MAMSTR: variants seen among roughly 807,000 people sequenced by gnomAD.
MAMSTR encodes the protein MEF2 activating motif and SAP domain containing transcriptional regulator, also known as MEF2-activating motif and SAP domain-containing transcriptional regulator.
A neutral mutation model predicts 42.7 loss-of-function variants in MAMSTR; 41 were observed. The observed-to-expected ratio is 0.96, with a 90% confidence interval of 0.75 to 1.25. MAMSTR has a LOEUF of 1.25. Among genes scored for constraint, MAMSTR ranks in the 50% most tolerant of loss-of-function variants. The pLI, the probability that MAMSTR is intolerant of heterozygous loss-of-function variation, is 0.00. For missense variants in MAMSTR, 567 were observed against 557.6 expected (o/e 1.02, Z -0.17); for synonymous variants, 265 against 244.1 (o/e 1.09, Z -0.80).
Position 48,713,246 on chromosome 19 carries a change from C to G in MAMSTR, c.*21G>C. ...CTCTCCACCCCCATCAGTTCTCTGT[C>G]TCTGTAAATCCTAGAATCCATCACC... On this transcript the variant is annotated 3_prime_UTR_variant, in exon 10 of 10. Coordinates refer to ENST00000318083, the MANE Select transcript of MAMSTR (RefSeq NM_001130915.2). 6.4e-7 allele frequency: 1 copy of G among 1,562,546 alleles called. No individual in the cohort carries two copies.
intron 2 of MAMSTR, among the ~76,000 whole-genome samples, chr19:48,717,736 G>A (rs1273866988): frequency 1.4e-5 from 2 of 147,640 alleles, no homozygotes; most frequent in African/African-American, 5.0e-5. Flanking sequence ...ACAGAGTATC[G>A]CTCTGTCACC....
intron 2 of MAMSTR, chr19:48,717,093 T>A: frequency 1.8e-6 from 1 of 550,636 alleles, no homozygotes; most frequent in South Asian, 8.2e-5. Context: ...CCTTTGCACC[T>A]CGCCTCCCTT....
At chr19:48,710,958 G>A (rs1459569578), downstream of MAMSTR, among the ~76,000 whole-genome samples, 5 of 152,156 alleles carry the variant, frequency 3.3e-5, no homozygotes, top group Admixed American at 1.3e-4. Flanking sequence ...CTGCCCTTGG[G>A]CTGGAGGTTC....
chr19:48,717,000 G>GC, intron 2 of MAMSTR: 2 of 1,134,692 alleles, frequency 1.8e-6, no homozygotes, highest in Non-Finnish European at 2.2e-6. Context: ...AGGCAGCCCT[G>GC]CCCCCGGCTC....
chr19:48,714,303 A>G, intron 7 of MAMSTR, 63 bp downstream of exon 7: 1 of 1,294,018 alleles, frequency 7.7e-7, no homozygotes, highest in Admixed American at 3.7e-5. Flanking sequence ...TTTTTTCGAC[A>G]CCCCGCCCCG....
At chr19:48,707,835 AAAG>A (rs1160144241), downstream of MAMSTR, among the ~76,000 whole-genome samples, 1,343 of 105,348 alleles carry the variant, frequency 0.013, 6 homozygotes, top group Non-Finnish European at 0.017. Flanking sequence ...ACAAAGAAAG[AAAG>A]GAAAGAAAGA....
chr19:48,712,510 C>T (rs2032755439), downstream of MAMSTR, among the ~76,000 whole-genome samples: 1 of 151,974 alleles, frequency 6.6e-6, no homozygotes, highest in Admixed American at 6.6e-5. Context: ...CAACCTCCGC[C>T]TCCCGGGTTC....
intron 2 of MAMSTR, among the ~76,000 whole-genome samples, chr19:48,718,507 C>T (rs1406483879): frequency 1.3e-5 from 2 of 151,438 alleles, no homozygotes; most frequent in Non-Finnish European, 2.9e-5. Context: ...CCCGCCTCAA[C>T]CTCCCAAGTA....
chr19:48,713,986 C>G lies in MAMSTR; in HGVS notation c.783G>C (p.Gly261=). ...PPLPRAADTP[G]TAPAPTPTPA... ...GAGTGGGAGTTGGAGCCGGAGCCGTCCCCGGGGTATCCGCGGCACGTGGAA... is the reference window on the plus strand; with the variant it reads ...GAGTGGGAGTTGGAGCCGGAGCCGTGCCCGGGGTATCCGCGGCACGTGGAA... Residue 261 remains glycine, a synonymous_variant, in exon 8 of 10, where the codon GGG becomes GGC. Coordinates refer to ENST00000318083, the MANE Select transcript of MAMSTR (RefSeq NM_001130915.2). The G allele has an allele frequency of 6.2e-7, 1 of 1,612,508 alleles. No individual in the cohort carries two copies. Among genetic ancestry groups the G allele is most frequent in the Non-Finnish European group, 8.5e-7 (1 of 1,179,488 alleles).
At position 48,714,434 on chromosome 19, in the gene MAMSTR, T is replaced by C. The variant is rs1301374927; in HGVS notation, c.655A>G (p.Ser219Gly). 3 of 1,380,172 alleles carry C rather than the reference T, an allele frequency of 2.2e-6. No homozygotes were observed. The highest frequency in any genetic ancestry group is 2.8e-6 in the Non-Finnish European group (3 of 1,078,702). 85.5% of individuals were successfully genotyped at this position (1,380,172 alleles called of 1,614,324 possible). A position where few individuals can be genotyped will look rare whatever the true frequency, so the allele number is the denominator to read the frequency against. ...RERPKPRRED[S>G]PAGAPWPRLK... ...CGCGGCCAGGGAGCACCCGCGGGAC[T>C]GTCCTCGCGCCGCGGCTTCGGCCGC... Residue 219 changes from serine to glycine, a missense_variant, in exon 7 of 10, where the codon AGT (serine) becomes GGT (glycine). Coordinates refer to ENST00000318083, the MANE Select transcript of MAMSTR (RefSeq NM_001130915.2).
Position 48,715,733 on chromosome 19 carries a change from G to A in MAMSTR, c.132C>T (p.Asp44=), listed in dbSNP as rs1450214615. 1 of 1,543,464 alleles carries A rather than the reference G, an allele frequency of 6.5e-7. No individual in the cohort carries two copies. The highest frequency in any genetic ancestry group is 8.7e-7 in the Non-Finnish European group (1 of 1,145,152). The change falls in exon 4 of 10, where the codon GAC becomes GAT. Residue 44 remains aspartate, a synonymous_variant. Coordinates refer to ENST00000318083, the MANE Select transcript of MAMSTR (RefSeq NM_001130915.2). ...AGGGCAAGGCCGGGGCCAGAGGAGG[G>A]TCTGAGGCTGAGATCCACGGGTCCG... ...SDPDPWISAS[D]PPLAPALPSG...
In MAMSTR at chr19:48,717,073, C is replaced by T. The variant is rs565990285; in HGVS notation, c.59-330G>A. On this transcript the variant is annotated intron_variant, in intron 2 of 9. Coordinates refer to ENST00000318083, the MANE Select transcript of MAMSTR (RefSeq NM_001130915.2). Reference sequence around the variant, plus strand: ...ACCCCCTGCGCAATCGCTATCTTGGCAGCCTGGCCCCTTTGCACCTCGCCT... The same window carrying T: ...ACCCCCTGCGCAATCGCTATCTTGGTAGCCTGGCCCCTTTGCACCTCGCCT... 3 of 804,488 alleles carry T rather than the reference C, an allele frequency of 3.7e-6. No individual in the cohort carries two copies. In the South Asian group the frequency reaches 1.7e-4, roughly 47 times the overall value. 49.8% of individuals were successfully genotyped at this position (804,488 alleles called of 1,614,324 possible).
Position 48,719,489 on chromosome 19 carries a change from A to G in MAMSTR, c.-22+190T>C, listed in dbSNP as rs571652090. Among the ~76,000 whole-genome samples, 12 of 152,294 alleles carry G rather than the reference A, an allele frequency of 7.9e-5. No individual in the cohort carries two copies. The highest frequency in any genetic ancestry group is 2.6e-4 in the African/African-American group (11 of 41,560). ...AATACTCTTAGGAGATGAGAATCCAAGATCCTGGGTGGAGAGGGGAACGGG... is the reference window on the plus strand; with the variant it reads ...AATACTCTTAGGAGATGAGAATCCAGGATCCTGGGTGGAGAGGGGAACGGG... On this transcript the variant is annotated intron_variant, in intron 1 of 9. Transcript: ENST00000318083. This position sits in a 1 kb window ranked among gnomAD's most constrained non-coding sequence, Gnocchi z 4.4.
rs750098803 is a variant in MAMSTR, at chr19:48,713,280, T to A, written c.1235A>T (p.Glu412Val). 1 of 1,599,718 alleles carries A rather than the reference T, an allele frequency of 6.3e-7. No individual in the cohort carries two copies. Among genetic ancestry groups the A allele is most frequent in the South Asian group, 1.1e-5 (1 of 90,028 alleles). ...SSSSRLWDLL[E>V]DPW Reference sequence around the variant, plus strand: ...TCCTAGAATCCATCACCATGGATCCTCCAGCAGGTCCCACAGCCGGCTGCT... The same window carrying A: ...TCCTAGAATCCATCACCATGGATCCACCAGCAGGTCCCACAGCCGGCTGCT... Residue 412 changes from glutamate (E) to valine (V), a missense_variant, in exon 10 of 10, where the codon GAG becomes GTG. Physicochemically the swap from Glu to Val is moderately radical, Grantham distance 121 (BLOSUM62 -2). Coordinates refer to ENST00000318083, the MANE Select transcript of MAMSTR (RefSeq NM_001130915.2).
In MAMSTR at chr19:48,714,406, A is replaced by G. The variant is rs2032894180; in HGVS notation, c.683T>C (p.Leu228Pro). Residue 228 changes from leucine (L) to proline (P), a missense_variant, in exon 7 of 10, where the codon CTC (leucine) becomes CCC (proline). Physicochemically the swap from Leu to Pro is moderately conservative, Grantham distance 98. Transcript: ENST00000318083. ...GGCGGCTGCCAGGGCCTTGGGCTTGAGGCGCGGCCAGGGAGCACCCGCGGG... is the reference window on the plus strand; with the variant it reads ...GGCGGCTGCCAGGGCCTTGGGCTTGGGGCGCGGCCAGGGAGCACCCGCGGG... ...DSPAGAPWPR[L>P]KPKALAAARR... 3.6e-6 allele frequency: 5 copies of G among 1,389,220 alleles called. No individual in the cohort carries two copies. Among genetic ancestry groups the G allele is most frequent in the East Asian group, 6.0e-5 (2 of 33,142 alleles). 86.1% of individuals were successfully genotyped at this position (1,389,220 alleles called of 1,614,324 possible). A position where few individuals can be genotyped will look rare whatever the true frequency, so the allele number is the denominator to read the frequency against.
intron 7 of MAMSTR, 141 bp downstream of exon 7, chr19:48,714,225 C>G: frequency 1.0e-6 from 1 of 999,770 alleles, no homozygotes; most frequent in Non-Finnish European, 1.4e-6. Context: ...CCCTGTTAGT[C>G]TGAACCACGT....
intron 3 of MAMSTR, 108 bp downstream of exon 3, chr19:48,716,597 G>A (rs192544749): frequency 4.1e-6 from 5 of 1,215,908 alleles, no homozygotes; most frequent in Non-Finnish European, 5.3e-6. Context: ...CCAGGGGATG[G>A]AGACTGAGCT....
intron 2 of MAMSTR, among the ~76,000 whole-genome samples, chr19:48,717,406 C>G (rs281396): frequency 0.011 from 1,633 of 151,804 alleles, 13 homozygotes; most frequent in East Asian, 0.022. Context: ...CCTTGAACTC[C>G]TGGGCTCAAT....
chr19:48,718,415 T>A (rs4302147), intron 2 of MAMSTR, among the ~76,000 whole-genome samples: 36,037 of 141,062 alleles, frequency 0.26, 6,354 homozygotes, highest in Non-Finnish European at 0.39. Context: ...GAGATGGAGT[T>A]TCGCTCTTGT....
Sources: allele counts gnomAD v4.1 joint callset (sites outside exome capture counted in the v4.1 genomes callset), GRCh38; gene constraint gnomAD v4.1.1; non-coding constraint Gnocchi (gnomAD v3.1); transcripts MANE v1.5; gene names NCBI Gene and HGNC (gene_info 2026-07-23, HGNC 2026-07-21).